GRK6: variants seen among roughly 807,000 people sequenced by gnomAD.
The protein encoded by GRK6 is G protein-coupled receptor kinase 6.
Under a neutral mutation model 80.8 loss-of-function variants are expected in GRK6, and 37 were observed. That is an observed-to-expected ratio of 0.46 (90% CI 0.35 to 0.60). GRK6 has a LOEUF of 0.60. GRK6 is among the 20% of genes least tolerant of loss of function. The probability of loss-of-function intolerance (pLI) is 0.00; values close to 1 mark genes in which losing one functional copy is unlikely to be tolerated. For missense variants in GRK6, 560 were observed against 784.6 expected, an observed-to-expected ratio of 0.71 and a Z score of 3.42; for synonymous variants, 295 against 320.9, an observed-to-expected ratio of 0.92 and a Z score of 0.86.
chr5:177,434,337 C>G (rs1007709408), intron 9 of GRK6, among the ~76,000 whole-genome samples: 2 of 152,194 alleles, frequency 1.3e-5, no homozygotes, highest in African/African-American at 4.8e-5. Context: ...CCTCCACCCC[C>G]CACCGTGTGA....
At chr5:177,435,920 G>C (rs1166296780) in intron 11 of GRK6, among the ~76,000 whole-genome samples, 153 bp from the exon 12 acceptor site, 1 of 152,152 alleles carries the variant, frequency 6.6e-6, no homozygotes, top group African/African-American at 2.4e-5. Context: ...TATTCACCCC[G>C]CTTGATGGGG....
intron 11 of GRK6, 89 bp from the exon 12 acceptor site, chr5:177,435,984 C>G: frequency 8.8e-7 from 1 of 1,134,728 alleles, no homozygotes; most frequent in Admixed American, 1.9e-5. Flanking sequence ...GTGAGTGTAT[C>G]CCAGACCTAA....
rs1040939072 is a variant in GRK6 at position 177,439,368 on chromosome 5, CGT to C, written c.1405-1331_1405-1330del. 3.9e-5 allele frequency among the ~76,000 whole-genome samples: 6 copies of C among 152,100 alleles called. No individual in the cohort carries two copies. In the South Asian group the frequency reaches 6.2e-4, roughly 16 times the overall value. ...AGCCTGGCCAACAAGGTGAAACCCC[CGT>C]CTCTACTAAAAATACAAAAATTAGC... On this transcript the variant is annotated intron_variant, in intron 13 of 15. Coordinates refer to ENST00000355472, the MANE Select transcript of GRK6 (RefSeq NM_001004106.3).
intron 5 of GRK6, 60 bp downstream of exon 5, chr5:177,432,866 C>A: frequency 7.5e-7 from 1 of 1,329,516 alleles, no homozygotes; most frequent in South Asian, 1.3e-5. Context: ...CTTCTGGGGG[C>A]CAGGAAGACT....
chr5:177,433,268 AG>A (rs747561844), intron 6 of GRK6, 29 bp downstream of exon 6: 2 of 1,613,408 alleles, frequency 1.2e-6, no homozygotes, highest in Non-Finnish European at 1.7e-6. Context: ...GGGCCGGGAC[AG>A]GCCAGGTCGC....
chr5:177,431,987 G>A lies in GRK6; in HGVS notation c.149-8G>A, dbSNP rs185144872. On this transcript the variant is annotated splice_polypyrimidine_tract_variant and splice_region_variant and intron_variant, in intron 2 of 15. Coordinates refer to ENST00000355472, the MANE Select transcript of GRK6 (RefSeq NM_001004106.3). The stretch of plus-strand genomic sequence containing the variant: ...TGTGGACCCAGCAGCTTCCATCACT[G>A]CCAACAGAGCGTGACTATCACAGCC... 6 of 1,612,250 alleles carry A rather than the reference G, an allele frequency of 3.7e-6. No individual in the cohort carries two copies. The Admixed American group carries it at 1.0e-4, about 27-fold the overall frequency.
In GRK6 at chr5:177,441,740, T is replaced by A; in HGVS notation, c.1681T>A (p.Cys561Ser). The change falls in exon 16 of 16, where the codon TGC becomes AGC. Residue 561 changes from cysteine (C) to serine (S), a missense_variant. Cys to Ser is a moderately radical substitution (Grantham distance 112). Transcript: ENST00000355472. ...LLQRLFSRQD[C>S]CGNCSDSEEE... is the part of the protein sequence containing the mutation. Reference sequence around the variant, plus strand: ...CGTGTCTTCCCCGTCCCTCCAGGATTGCTGTGGAAACTGCAGCGACAGCGA... The same window carrying A: ...CGTGTCTTCCCCGTCCCTCCAGGATAGCTGTGGAAACTGCAGCGACAGCGA... The A allele has an allele frequency of 6.2e-7, 1 of 1,612,072 alleles. No individual in the cohort carries two copies. The highest frequency in any genetic ancestry group is 8.5e-7 in the Non-Finnish European group (1 of 1,178,776).
chr5:177,435,776 T>C (rs897931665), intron 11 of GRK6, among the ~76,000 whole-genome samples: 2 of 152,252 alleles, frequency 1.3e-5, no homozygotes, highest in Admixed American at 6.5e-5. Context: ...ATGGGCCCAA[T>C]TTGGCCTACA....
At position 177,442,553 on chromosome 5, in the gene GRK6, TG is replaced by T. The variant is rs1561664061; in HGVS notation, c.*767del. 6.6e-6 allele frequency: 1 copy of T among 152,442 alleles called. No homozygotes were observed. The highest frequency in any genetic ancestry group is 1.5e-5 in the Non-Finnish European group (1 of 68,064). 9.4% of individuals were successfully genotyped at this position (152,442 alleles called of 1,614,324 possible). A position where few individuals can be genotyped will look rare whatever the true frequency, so the allele number is the denominator to read the frequency against. On this transcript the variant is annotated 3_prime_UTR_variant, in exon 16 of 16. Coordinates refer to ENST00000355472, the MANE Select transcript of GRK6 (RefSeq NM_001004106.3). ...CCCAAGCCCAGCCCCTAGGAGGGGG[TG>T]GGGCATCCCTGGTCAACCCTCAAAC...
intron 2 of GRK6, among the ~76,000 whole-genome samples, chr5:177,431,170 G>T (rs1447828064): frequency 2.0e-5 from 3 of 152,356 alleles, no homozygotes; most frequent in Admixed American, 2.0e-4. Context: ...GGGTCACACC[G>T]AGGGTGGTTG....
chr5:177,435,001 C>T (rs771486138), intron 10 of GRK6, 31 bp from the exon 11 acceptor site: 9 of 1,612,960 alleles, frequency 5.6e-6, no homozygotes, highest in South Asian at 4.4e-5. Flanking sequence ...GGCCTGTTAA[C>T]GGGTCCACCT....
At chr5:177,432,559 G>A (rs1763955391) in intron 4 of GRK6, 147 bp from the exon 5 acceptor site, 3 of 712,428 alleles carry the variant, frequency 4.2e-6, no homozygotes, top group Admixed American at 2.8e-5. Context: ...GTGGGCAGCA[G>A]GAAGGACTTC....
chr5:177,441,471 T>G (rs1764495805), intron 15 of GRK6: 1 of 633,484 alleles, frequency 1.6e-6, no homozygotes, highest in Non-Finnish European at 2.7e-6. Context: ...GGGAGAGGGC[T>G]GGGCAGAGGC....
intron 13 of GRK6, chr5:177,436,749 A>C (rs1387086301): frequency 1.8e-6 from 1 of 566,672 alleles, no homozygotes; most frequent in Non-Finnish European, 3.1e-6. Flanking sequence ...ACAATGTCCT[A>C]GGAACTCTCT....
At chr5:177,438,960 T>C (rs1430331142) in intron 13 of GRK6, 1 of 152,252 alleles carries the variant, frequency 6.6e-6, no homozygotes, top group African/African-American at 2.4e-5. Flanking sequence ...GTGGGCCCTG[T>C]CAGAGGCACT....
intron 2 of GRK6, among the ~76,000 whole-genome samples, chr5:177,431,513 G>A (rs373954992): frequency 2.0e-5 from 3 of 152,246 alleles, no homozygotes; most frequent in Non-Finnish European, 4.4e-5. Flanking sequence ...TGAGGCCCCC[G>A]GTGGCCTGCA....
At chr5:177,431,805 C>T (rs1763902275) in intron 2 of GRK6, 190 bp from the exon 3 acceptor site, 2 of 616,748 alleles carry the variant, frequency 3.2e-6, no homozygotes. Flanking sequence ...CAGTTAGCCT[C>T]TCTGGGCCTC....
In GRK6 at chr5:177,434,903, G is replaced by T; in HGVS notation, c.931G>T (p.Asp311Tyr). 6.3e-7 allele frequency: 1 copy of T among 1,599,006 alleles called. No homozygotes were observed. The highest frequency in any genetic ancestry group is 8.5e-7 in the Non-Finnish European group (1 of 1,172,146). ...DLHRERIVYRDLKPENILLDD... is the reference protein window; with the variant it reads ...DLHRERIVYRYLKPENILLDD... Reference sequence around the variant, plus strand: ...GACCCTGCTCTTCTCTCTGCACAGGGACCTGAAGCCCGAGAACATCTTGCT... The same window carrying T: ...GACCCTGCTCTTCTCTCTGCACAGGTACCTGAAGCCCGAGAACATCTTGCT... Residue 311 changes from aspartate (D) to tyrosine (Y), a missense_variant and splice_region_variant, in exon 10 of 16, where the codon GAC (aspartate) becomes TAC (tyrosine). By Grantham distance (160) the Asp-to-Tyr change is radical (BLOSUM62 -3). Coordinates refer to ENST00000355472, the MANE Select transcript of GRK6 (RefSeq NM_001004106.3).
At position 177,433,184 on chromosome 5, in the gene GRK6, G is replaced by GAC. The variant is rs778425743; in HGVS notation, c.479_480dup (p.Tyr161ThrfsTer22). ...GTACCTGAGCGTGGCCCCTTTTGCC[G>GAC]ACTACCTCGACAGCATCTACTTCAA... On this transcript the variant is annotated frameshift_variant, in exon 6 of 16. Coordinates refer to ENST00000355472, the MANE Select transcript of GRK6 (RefSeq NM_001004106.3). LOFTEE classifies it high-confidence loss of function. The GAC allele has an allele frequency of 6.2e-7, 1 of 1,614,132 alleles. No homozygotes were observed. The highest frequency in any genetic ancestry group is 8.5e-7 in the Non-Finnish European group (1 of 1,180,020).
Sources: allele counts gnomAD v4.1 joint callset (sites outside exome capture counted in the v4.1 genomes callset), GRCh38; gene constraint gnomAD v4.1.1; transcripts MANE v1.5; gene names NCBI Gene and HGNC (gene_info 2026-07-23, HGNC 2026-07-21).